ANO4: variants seen among roughly 807,000 people sequenced by gnomAD.
ANO4 encodes the protein anoctamin-4.
A neutral mutation model predicts 141.9 loss-of-function variants in ANO4; 69 were observed. The observed-to-expected ratio is 0.49, with a 90% CI of 0.40 to 0.59. ANO4 has a LOEUF of 0.59. ANO4 is among the 20% of genes least tolerant of loss of function. The pLI is 0.00. For missense variants in ANO4, 894 were observed against 1,162.2 expected (o/e 0.77, Z 3.36); for synonymous variants, 350 against 394.3 (o/e 0.89, Z 1.33).
Position 101,120,058 on chromosome 12 carries a change from A to G in ANO4, c.2571-462A>G, listed in dbSNP as rs188318511. 2.9e-3 allele frequency among the ~76,000 whole-genome samples: 440 copies of G among 152,348 alleles called. 7 individuals carry two copies. Among genetic ancestry groups the G allele is most frequent in the Non-Finnish European group, 5.4e-4 (37 of 68,026 alleles). On this transcript the variant is annotated intron_variant, in intron 25 of 27. Coordinates refer to ENST00000392977, the MANE Select transcript of ANO4 (RefSeq NM_001286615.2). ...AGAGTCAAGGGGTGATATGAGCTTC[A>G]GTAATGGCCGGATCCCAGGCCTCAA...
chr12:101,011,113 T>C (rs979483863), intron 8 of ANO4, among the ~76,000 whole-genome samples: 2 of 152,108 alleles, frequency 1.3e-5, no homozygotes, highest in African/African-American at 4.8e-5. Flanking sequence ...TTCTTTACCC[T>C]GGCAGCCTTG....
At chr12:101,019,792 T>G (rs2046450691) in intron 8 of ANO4, among the ~76,000 whole-genome samples, 1 of 152,226 alleles carries the variant, frequency 6.6e-6, no homozygotes, top group Admixed American at 6.5e-5. Flanking sequence ...TTTAGGTTTC[T>G]TAACTTTGTT....
At chr12:100,820,965 A>G (rs2036017778) in intron 1 of ANO4, among the ~76,000 whole-genome samples, 1 of 151,996 alleles carries the variant, frequency 6.6e-6, no homozygotes, top group Non-Finnish European at 1.5e-5. Flanking sequence ...GTTGGTCAGC[A>G]TTATAGCTAG....
chr12:100,997,031 T>G (rs1343551709), intron 8 of ANO4, among the ~76,000 whole-genome samples: 1 of 151,804 alleles, frequency 6.6e-6, no homozygotes, highest in Non-Finnish European at 1.5e-5. Flanking sequence ...GTTAGATGAG[T>G]GAACAGAAAG....
chr12:101,063,465 T>C (rs12227589), intron 14 of ANO4, among the ~76,000 whole-genome samples: 20,883 of 152,268 alleles, frequency 0.14, 1,493 homozygotes, highest in East Asian at 0.21. Flanking sequence ...TTGCAATATT[T>C]GATTTGCTAA....
At chr12:100,855,823 G>C (rs537494127) in intron 1 of ANO4, among the ~76,000 whole-genome samples, 1 of 152,120 alleles carries the variant, frequency 6.6e-6, no homozygotes, top group Non-Finnish European at 1.5e-5. Flanking sequence ...TGTGCATTTT[G>C]AGTGGCATAG....
chr12:100,743,609 C>G (rs933435679), intron 3 of ANO4, among the ~76,000 whole-genome samples: 2 of 151,408 alleles, frequency 1.3e-5, no homozygotes, highest in African/African-American at 4.9e-5. Context: ...ATTTTGAGGA[C>G]AAAAATAAGG....
Position 100,939,381 on chromosome 12 carries a change from A to G in ANO4, c.227A>G (p.Asp76Gly). Reference protein sequence around the residue: ...EAVSSPCKDDDSLLHPGNLTS... With the variant: ...EAVSSPCKDDGSLLHPGNLTS... ...GTCAGCAGTCCTTGCAAAGATGACGATTCTCTTCTTCACCCTGGAAACCTG... is the reference window on the plus strand; with the variant it reads ...GTCAGCAGTCCTTGCAAAGATGACGGTTCTCTTCTTCACCCTGGAAACCTG... Residue 76 changes from aspartate (D) to glycine (G), a missense_variant, in exon 4 of 28, where the codon GAT becomes GGT. This residue lies in a region of ANO4 where 257 missense variants were observed against 253.0 expected (regional missense o/e 1.02). Transcript: ENST00000392977. 6.2e-7 allele frequency: 1 copy of G among 1,613,800 alleles called. No homozygotes were observed.
chr12:100,926,207 A>G (rs1432945728), intron 3 of ANO4, among the ~76,000 whole-genome samples: 2 of 152,130 alleles, frequency 1.3e-5, no homozygotes, highest in Admixed American at 1.3e-4. Context: ...TCACATCTTG[A>G]TGCAAGAATT....
At chr12:100,782,488 C>T (rs1340447873) in intron 3 of ANO4, among the ~76,000 whole-genome samples, 1 of 152,138 alleles carries the variant, frequency 6.6e-6, no homozygotes, top group Non-Finnish European at 1.5e-5. Flanking sequence ...TTATCTGCCT[C>T]TCTTCTTTCC....
At chr12:100,916,252 G>T (rs1464097397) in intron 2 of ANO4, among the ~76,000 whole-genome samples, 1 of 151,908 alleles carries the variant, frequency 6.6e-6, no homozygotes, top group Non-Finnish European at 1.5e-5. Context: ...TTGATATTTT[G>T]TTTATTATTT....
At chr12:101,104,627 G>GTGTATATATATATATATA (rs1297866922) in intron 22 of ANO4, among the ~76,000 whole-genome samples, 2 of 62,056 alleles carry the variant, frequency 3.2e-5, no homozygotes, top group Non-Finnish European at 5.8e-5. Flanking sequence ...ATGTATGTGT[G>GTGTATATATATATATATA]TATATATATA....
At chr12:100,842,063 C>G (rs1172567670) in intron 1 of ANO4, 1 of 29,912 alleles carries the variant, frequency 3.3e-5, no homozygotes, top group African/African-American at 1.3e-4. Flanking sequence ...AAATATCCAC[C>G]CCCCCCCCCC....
chr12:101,109,208 C>T (rs558494657), intron 22 of ANO4, among the ~76,000 whole-genome samples: 9 of 152,244 alleles, frequency 5.9e-5, no homozygotes, highest in African/African-American at 1.9e-4. Context: ...TGCATCATAT[C>T]GGGGTGTGTA....
chr12:100,755,648 A>AT (rs898285378), intron 3 of ANO4, among the ~76,000 whole-genome samples: 1 of 152,198 alleles, frequency 6.6e-6, no homozygotes, highest in Non-Finnish European at 1.5e-5. Flanking sequence ...GTTTACGATC[A>AT]TTTTTTATTA....
At chr12:100,914,379 T>C (rs899165474) in intron 2 of ANO4, among the ~76,000 whole-genome samples, 15 of 152,226 alleles carry the variant, frequency 9.9e-5, no homozygotes, top group Non-Finnish European at 7.3e-5. Flanking sequence ...GCATTAATCA[T>C]TTGAGGGAAT....
Position 101,083,799 on chromosome 12 carries a change from C to T in ANO4, c.1517C>T (p.Ala506Val). 1 of 1,566,596 alleles carries T rather than the reference C, an allele frequency of 6.4e-7. No homozygotes were observed. The highest frequency in any genetic ancestry group is 8.6e-7 in the Non-Finnish European group (1 of 1,166,668). ...TDKCSRLIVS[A>V]SGIFFMICVV... ...AAATGCAGCAGACTTATCGTTTCTG[C>T]ATCTGGAATATTTTTTATGGTTTGA... The change falls in exon 16 of 28, where the codon GCA (alanine) becomes GTA (valine). Residue 506 changes from alanine to valine, a missense_variant. By Grantham distance (64) the Ala-to-Val change is moderately conservative. Coordinates refer to ENST00000392977, the MANE Select transcript of ANO4 (RefSeq NM_001286615.2).
chr12:101,103,508 A>C (rs1300749532), intron 22 of ANO4, among the ~76,000 whole-genome samples: 1 of 151,550 alleles, frequency 6.6e-6, no homozygotes, highest in Non-Finnish European at 1.5e-5. Flanking sequence ...TTTTTTAAAA[A>C]ATTTTACTAA....
chr12:101,077,495 G>A (rs2049067667), intron 14 of ANO4, among the ~76,000 whole-genome samples: 1 of 152,180 alleles, frequency 6.6e-6, no homozygotes, highest in Non-Finnish European at 1.5e-5. Context: ...CAGCTGCTCA[G>A]CATTGACACA....
Sources: gnomAD v4.1 joint callset for allele counts (sites outside exome capture counted in the v4.1 genomes callset) on GRCh38, gnomAD v4.1.1 for gene constraint, gnomAD v4.1.1 regional missense constraint, MANE v1.5 for transcripts, NCBI Gene and HGNC (gene_info 2026-07-23, HGNC 2026-07-21) for gene names.